KIF13B: variants seen among roughly 807,000 people sequenced by gnomAD.
KIF13B encodes kinesin-like protein KIF13B.
Under a neutral mutation model 222.0 loss-of-function variants are expected in KIF13B, and 127 were observed. The observed-to-expected ratio is 0.57, with a 90% CI of 0.50 to 0.66. The LOEUF (loss-of-function observed/expected upper bound fraction) is 0.66. KIF13B is among the 30% of genes least tolerant of loss of function. The probability of loss-of-function intolerance (pLI) is 0.00; values close to 1 mark genes in which losing one functional copy is unlikely to be tolerated. For missense variants in KIF13B, 2,173 were observed against 2,379.0 expected (o/e 0.91, Z 1.80); for synonymous variants, 976 against 919.0 (o/e 1.06, Z -1.12).
chr8:29,175,983 T>A (rs998247969), intron 10 of KIF13B, 85 bp downstream of exon 10: 15 of 750,690 alleles, frequency 2.0e-5, no homozygotes, highest in Non-Finnish European at 3.5e-5. Context: ...AAATGATACC[T>A]GGAAGGGATT....
At chr8:29,098,188 AAAGT>A (rs1181873902) in intron 36 of KIF13B, among the ~76,000 whole-genome samples, 1 of 149,314 alleles carries the variant, frequency 6.7e-6, no homozygotes, top group Non-Finnish European at 1.5e-5. Flanking sequence ...AAAAAAAAAA[AAAGT>A]AAGTGATGTT....
intron 18 of KIF13B, among the ~76,000 whole-genome samples, chr8:29,144,010 T>G (rs985108430): frequency 6.6e-6 from 1 of 151,526 alleles, no homozygotes; most frequent in African/African-American, 2.4e-5. Context: ...AGAAAAAATT[T>G]TAGAACTTTT....
At chr8:29,077,613 G>A (rs983044798) in intron 37 of KIF13B, among the ~76,000 whole-genome samples, 3 of 152,162 alleles carry the variant, frequency 2.0e-5, no homozygotes, top group Admixed American at 2.0e-4. Context: ...GATGTTAAGC[G>A]CCTAACATGA....
rs142407682 is a variant in KIF13B, at chr8:29,115,243, A to G, written c.3837+1588T>C. 2.5e-3 allele frequency among the ~76,000 whole-genome samples: 386 copies of G among 152,272 alleles called. 8 individuals are homozygous for G. The highest frequency in any genetic ancestry group is 8.9e-3 in the African/African-American group (370 of 41,536). ...TAGTCAGTGTATTGAGAATGCCTCA[A>G]AAAAGGGAGATAAGACAGTTAAAAG... On this transcript the variant is annotated intron_variant, in intron 31 of 39. Transcript: ENST00000524189.
intron 2 of KIF13B, among the ~76,000 whole-genome samples, chr8:29,238,599 G>A (rs1331908666): frequency 6.6e-6 from 1 of 152,128 alleles, no homozygotes; most frequent in African/African-American, 2.4e-5. Flanking sequence ...GCTGTCTATT[G>A]TTCATTAGGT....
At chr8:29,233,990 A>T (rs1310122261) in intron 2 of KIF13B, among the ~76,000 whole-genome samples, 3 of 152,226 alleles carry the variant, frequency 2.0e-5, no homozygotes, top group African/African-American at 7.2e-5. Context: ...TATTAATTTG[A>T]ACACTACATC....
At chr8:29,224,945 C>T (rs892021060) in intron 2 of KIF13B, among the ~76,000 whole-genome samples, 1 of 152,110 alleles carries the variant, frequency 6.6e-6, no homozygotes, top group African/African-American at 2.4e-5. Flanking sequence ...AAGTGCAATG[C>T]AGTTATGCTG....
chr8:29,242,367 A>G (rs1422482792), intron 2 of KIF13B, among the ~76,000 whole-genome samples: 2 of 152,142 alleles, frequency 1.3e-5, no homozygotes, highest in Non-Finnish European at 2.9e-5. Context: ...AACAACAACA[A>G]CGAAAATTTA....
chr8:29,108,336 TA>T, intron 34 of KIF13B, 144 bp from the exon 35 acceptor site: 4 of 672,674 alleles, frequency 5.9e-6, no homozygotes, highest in Non-Finnish European at 1.1e-5. Context: ...GGCTGCACAC[TA>T]GTGGTCTTTG....
Position 29,116,876 on chromosome 8 carries a change from T to C in KIF13B, c.3792A>G (p.Gln1264=), listed in dbSNP as rs372689337. Residue 1264 remains glutamine (Q), a synonymous_variant, in exon 31 of 40, where the codon CAA becomes CAG. Coordinates refer to ENST00000524189, the MANE Select transcript of KIF13B (RefSeq NM_015254.4). ...CACAGATTCTCTTGCGTAACACCAG[T>C]TGCATGTCAGCAGGGTGGCTGAGCT... is the stretch of plus-strand genomic sequence containing the variant. The part of the protein sequence containing the change: ...TVQLSHPADM[Q]LVLRKRICVN... 3.7e-6 allele frequency: 6 copies of C among 1,607,904 alleles called. No individual in the cohort carries two copies. The highest frequency in any genetic ancestry group is 5.1e-6 in the Non-Finnish European group (6 of 1,176,314).
chr8:29,203,200 T>C (rs1263132007), intron 2 of KIF13B, among the ~76,000 whole-genome samples: 1 of 152,190 alleles, frequency 6.6e-6, no homozygotes, highest in African/African-American at 2.4e-5. Flanking sequence ...TCTTAAGCTG[T>C]TCAGGTGATC....
chr8:29,150,995 C>A (rs113445289), intron 14 of KIF13B, among the ~76,000 whole-genome samples: 1 of 152,158 alleles, frequency 6.6e-6, no homozygotes, highest in Non-Finnish European at 1.5e-5. Context: ...CAAGACAGGA[C>A]GAAAAGCCAG....
At chr8:29,122,704 G>T in intron 28 of KIF13B, 58 bp from the exon 29 acceptor site, 1 of 1,374,048 alleles carries the variant, frequency 7.3e-7, no homozygotes, top group Non-Finnish European at 1.0e-6. Context: ...TGGCATGCAC[G>T]TAGGAACACA....
At chr8:29,262,648 C>A (rs914528092) in intron 1 of KIF13B, among the ~76,000 whole-genome samples, 2 of 151,076 alleles carry the variant, frequency 1.3e-5, no homozygotes, top group African/African-American at 2.4e-5. Flanking sequence ...CGAGGCTGGG[C>A]GCGAGGGCCG....
chr8:29,244,180 A>T (rs1756667610), intron 2 of KIF13B, among the ~76,000 whole-genome samples: 1 of 151,988 alleles, frequency 6.6e-6, no homozygotes, highest in Non-Finnish European at 1.5e-5. Context: ...CGCCCGGCTA[A>T]TTTTTTGTAT....
At position 29,070,532 on chromosome 8, in the gene KIF13B, G is replaced by A. The variant is rs1230181124; in HGVS notation, c.5453C>T (p.Pro1818Leu). 4.3e-6 allele frequency: 7 copies of A among 1,610,566 alleles called. No individual in the cohort carries two copies. Among genetic ancestry groups the A allele is most frequent in the Admixed American group, 1.7e-5 (1 of 59,740 alleles). ...GCTGGCCCAGGATTTCCGGTTCTCA[G>A]GGTTCTTGTGGCTCCTGTCGGCCTT... The part of the protein sequence containing the change: ...LAKADRSHKN[P>L]ENRKSWAS The change falls in exon 40 of 40, where the codon CCT (proline) becomes CTT (leucine). Residue 1818 changes from proline (P) to leucine (L), a missense_variant. Pro to Leu is a moderately conservative substitution (Grantham distance 98, BLOSUM62 -3). Around this residue, in one of 2 missense-constraint regions of KIF13B, gnomAD observed 693 missense variants for 656.2 expected, o/e 1.06. Coordinates refer to ENST00000524189, the MANE Select transcript of KIF13B (RefSeq NM_015254.4). The surrounding 1 kb of genome is among the most constrained non-coding windows in gnomAD (Gnocchi z 4.1).
chr8:29,135,726 C>T (rs949756413), intron 21 of KIF13B, among the ~76,000 whole-genome samples: 2 of 152,102 alleles, frequency 1.3e-5, no homozygotes, highest in South Asian at 2.1e-4. Flanking sequence ...GAAACCCCAT[C>T]GCTACTAAAA....
intron 3 of KIF13B, among the ~76,000 whole-genome samples, chr8:29,193,949 C>G (rs972468958): frequency 5.3e-5 from 8 of 151,330 alleles, no homozygotes; most frequent in Admixed American, 1.3e-4. Flanking sequence ...TCCTGAGTAG[C>G]TGGGACTACA....
intron 8 of KIF13B, among the ~76,000 whole-genome samples, chr8:29,179,269 A>G (rs1586888041): frequency 6.6e-6 from 1 of 151,974 alleles, no homozygotes; most frequent in East Asian, 1.9e-4. Flanking sequence ...GGCATGAACC[A>G]CCCACACCTT....
Sources: gnomAD v4.1 joint callset for allele counts (sites outside exome capture counted in the v4.1 genomes callset) on GRCh38, gnomAD v4.1.1 for gene constraint, gnomAD v4.1.1 regional missense constraint, Gnocchi (gnomAD v3.1) non-coding constraint, MANE v1.5 for transcripts, NCBI Gene and HGNC (gene_info 2026-07-23, HGNC 2026-07-21) for gene names.